FIGNL1: variants seen among roughly 807,000 people sequenced by gnomAD.
FIGNL1 encodes fidgetin like 1.
Under a neutral mutation model 28.9 loss-of-function variants are expected in FIGNL1, and 11 were observed. The ratio of observed to expected loss-of-function variants is 0.38; its 90% CI spans 0.24 to 0.63. FIGNL1 has a LOEUF of 0.63. Among genes scored for constraint, FIGNL1 ranks in the 20% least tolerant of loss-of-function variants. FIGNL1 has a pLI of 0.57. For missense variants in FIGNL1, 789 were observed against 810.4 expected (o/e 0.97, Z 0.32); for synonymous variants, 295 against 276.5 (o/e 1.07, Z -0.66).
At position 50,447,170 on chromosome 7, in the gene FIGNL1, G is replaced by A. The variant is rs763497045; in HGVS notation, c.118C>T (p.Arg40Cys). Reference protein sequence around the residue: ...KADAYRAQILRIQYAWANSEI... With the variant: ...KADAYRAQILCIQYAWANSEI... ...GAGTTTGCCCATGCATACTGAATGC[G>A]TAATATCTGTGCACGGTATGCATCT... The change falls in exon 4 of 4, where the codon CGC becomes TGC. Residue 40 changes from arginine to cysteine, a missense_variant. By Grantham distance (180) the Arg-to-Cys change is radical. Transcript: ENST00000433017. 15 of 1,614,070 alleles carry A rather than the reference G, an allele frequency of 9.3e-6. No homozygotes were observed. In the East Asian group the frequency reaches 1.1e-4, roughly 12 times the overall value.
At position 50,446,652 on chromosome 7, in the gene FIGNL1, A is replaced by G; in HGVS notation, c.636T>C (p.Thr212=). Residue 212 remains threonine (T), a synonymous_variant, in exon 4 of 4, where the codon ACT becomes ACC. Coordinates refer to ENST00000433017, the MANE Select transcript of FIGNL1 (RefSeq NM_001287492.4). ...ACAATGGTGTGACATGGAATTTTGC[A>G]GTAGCTGACTCACCTACAGGTGCTG... The part of the protein sequence containing the change: ...TFSAPVGESA[T]AKFHVTPLFG... 1.2e-6 allele frequency: 2 copies of G among 1,614,210 alleles called. No homozygotes were observed. The highest frequency in any genetic ancestry group is 1.7e-6 in the Non-Finnish European group (2 of 1,180,036).
In FIGNL1 at chr7:50,444,447, A is replaced by T. The variant is rs2153527127; in HGVS notation, c.*816T>A. Reference sequence around the variant, plus strand: ...AAAACATCTGGAAGAATCTATGCTTAAATATTAATAGTGTGTCCCGCAAAG... The same window carrying T: ...AAAACATCTGGAAGAATCTATGCTTTAATATTAATAGTGTGTCCCGCAAAG... On this transcript the variant is annotated 3_prime_UTR_variant, in exon 4 of 4. Transcript: ENST00000433017. The T allele has an allele frequency of 6.6e-6, 1 of 152,368 alleles. No homozygotes were observed. Among genetic ancestry groups the T allele is most frequent in the Admixed American group, 6.5e-5 (1 of 15,308 alleles). 9.4% of individuals were successfully genotyped at this position (152,368 alleles called of 1,614,324 possible). A position where few individuals can be genotyped will look rare whatever the true frequency, so the allele number is the denominator to read the frequency against.
chr7:50,447,184 C>T lies in FIGNL1; in HGVS notation c.104G>A (p.Arg35His), dbSNP rs146011869. The change falls in exon 4 of 4, where the codon CGT becomes CAT. Residue 35 changes from arginine to histidine, a missense_variant. Coordinates refer to ENST00000433017, the MANE Select transcript of FIGNL1 (RefSeq NM_001287492.4). Reference sequence around the variant, plus strand: ...ATACTGAATGCGTAATATCTGTGCACGGTATGCATCTGCCTTCGGTCCGGT... The same window carrying T: ...ATACTGAATGCGTAATATCTGTGCATGGTATGCATCTGCCTTCGGTCCGGT... Reference protein sequence around the residue: ...ICTGPKADAYRAQILRIQYAW... With the variant: ...ICTGPKADAYHAQILRIQYAW... 26 of 1,614,022 alleles carry T rather than the reference C, an allele frequency of 1.6e-5. No homozygotes were observed. Among genetic ancestry groups the T allele is most frequent in the Middle Eastern group, 1.6e-4 (1 of 6,084 alleles).
In FIGNL1 at chr7:50,445,712, C is replaced by G. The variant is rs151204868; in HGVS notation, c.1576G>C (p.Val526Leu). The G allele has an allele frequency of 3.5e-5, 56 of 1,614,060 alleles. No individual in the cohort carries two copies. The highest frequency in any genetic ancestry group is 6.8e-6 in the Non-Finnish European group (8 of 1,180,040). The change falls in exon 4 of 4, where the codon GTT becomes CTT. Residue 526 changes from valine to leucine, a missense_variant. Coordinates refer to ENST00000433017, the MANE Select transcript of FIGNL1 (RefSeq NM_001287492.4). ...SSRRIKTEFL[V>L]QLDGATTSSE... ...GATGTTGTTGCTCCATCTAATTGAA[C>G]TAAAAATTCTGTTTTTATCCTTCTA...
chr7:50,446,699 CAGTGTTAGT>C lies in FIGNL1; in HGVS notation c.580_588del (p.Thr194_Thr196del). 6.2e-7 allele frequency: 1 copy of C among 1,614,204 alleles called. No homozygotes were observed. The highest frequency in any genetic ancestry group is 8.5e-7 in the Non-Finnish European group (1 of 1,180,038). ...GCTGAGAATGTAGGACAAGTCCTAG[CAGTGTTAGT>C]CACCATAGGTGGCTGGGCATTCTGA... On this transcript the variant is annotated inframe_deletion, in exon 4 of 4. Coordinates refer to ENST00000433017, the MANE Select transcript of FIGNL1 (RefSeq NM_001287492.4).
Position 50,446,320 on chromosome 7 carries a change from C to T in FIGNL1, c.968G>A (p.Gly323Asp). 2 of 1,614,158 alleles carry T rather than the reference C, an allele frequency of 1.2e-6. No homozygotes were observed. Among genetic ancestry groups the T allele is most frequent in the Non-Finnish European group, 1.7e-6 (2 of 1,180,032 alleles). ...ACTAGCTCCTAGAGACTTTTTTACA[C>T]CACCATATGAAGACCCTGATGCACG... ...PQRASGSSYG[G>D]VKKSLGASRS... is the part of the protein sequence containing the mutation. The change falls in exon 4 of 4, where the codon GGT (glycine) becomes GAT (aspartate). Residue 323 changes from glycine to aspartate, a missense_variant. Transcript: ENST00000433017.
chr7:50,448,994 A>C (rs1270148365), intron 2 of FIGNL1, 124 bp downstream of exon 2: 1 of 152,240 alleles, frequency 6.6e-6, no homozygotes, highest in African/African-American at 2.4e-5. Flanking sequence ...TAGAAATGAG[A>C]AACTGAAAGA....
Position 50,446,300 on chromosome 7 carries a change from C to T in FIGNL1, c.988G>A (p.Ala330Thr). The change falls in exon 4 of 4, where the codon GCT becomes ACT. Residue 330 changes from alanine (A) to threonine (T), a missense_variant. Transcript: ENST00000433017. ...SYGGVKKSLG[A>T]SRSRGILGKF... ...CCAAGTATCCCTCGGGATCTACTAGCTCCTAGAGACTTTTTTACACCACCA... is the reference window on the plus strand; with the variant it reads ...CCAAGTATCCCTCGGGATCTACTAGTTCCTAGAGACTTTTTTACACCACCA... 6.2e-7 allele frequency: 1 copy of T among 1,614,188 alleles called. No homozygotes were observed. The highest frequency in any genetic ancestry group is 8.5e-7 in the Non-Finnish European group (1 of 1,180,038).
chr7:50,445,989 G>T lies in FIGNL1; in HGVS notation c.1299C>A (p.Pro433=). The part of the protein sequence containing the change: ...RPDIFTGLRG[P]PKGILLFGPP... ...GACCAAAGAGCAAAATTCCTTTAGG[G>T]GGTCCCCTTAAACCAGTAAAGATGT... Residue 433 remains proline, a synonymous_variant, in exon 4 of 4, where the codon CCC becomes CCA. Coordinates refer to ENST00000433017, the MANE Select transcript of FIGNL1 (RefSeq NM_001287492.4). 3 of 1,614,136 alleles carry T rather than the reference G, an allele frequency of 1.9e-6. No homozygotes were observed. The highest frequency in any genetic ancestry group is 4.5e-5 in the East Asian group (2 of 44,890).
At chr7:50,447,482 A>T (rs1247911968) in intron 3 of FIGNL1, 185 bp from the exon 4 acceptor site, 8 of 445,898 alleles carry the variant, frequency 1.8e-5, no homozygotes, top group Middle Eastern at 5.8e-4. Flanking sequence ...TATTCAAGAC[A>T]TATCAATATG....
rs1354639733 is a variant in FIGNL1, at chr7:50,446,743, A to G, written c.545T>C (p.Leu182Ser). 1 of 1,614,092 alleles carries G rather than the reference A, an allele frequency of 6.2e-7. No homozygotes were observed. The highest frequency in any genetic ancestry group is 8.5e-7 in the Non-Finnish European group (1 of 1,180,038). Reference protein sequence around the residue: ...RTQDFPESNRLKLLQNAQPPM... With the variant: ...RTQDFPESNRSKLLQNAQPPM... ...TGGCTGGGCATTCTGAAGGAGTTTC[A>G]AACGATTGCTCTCCGGGAAGTCTTG... The change falls in exon 4 of 4, where the codon TTG (leucine) becomes TCG (serine). Residue 182 changes from leucine to serine, a missense_variant. Transcript: ENST00000433017.
rs1460922989 is a variant in FIGNL1 at position 50,446,606 on chromosome 7, T to C, written c.682A>G (p.Asn228Asp). Residue 228 changes from asparagine (N) to aspartate (D), a missense_variant, in exon 4 of 4, where the codon AAT becomes GAT. Coordinates refer to ENST00000433017, the MANE Select transcript of FIGNL1 (RefSeq NM_001287492.4). Reference sequence around the variant, plus strand: ...ATGTTTTCTTTTGCAGAGCTGTGATTTTCCTTTTTGACATTTCCAAACAAT... The same window carrying C: ...ATGTTTTCTTTTGCAGAGCTGTGATCTTCCTTTTTGACATTTCCAAACAAT... ...TPLFGNVKKE[N>D]HSSAKENIGL... is the part of the protein sequence containing the mutation. 1.2e-6 allele frequency: 2 copies of C among 1,614,184 alleles called. No individual in the cohort carries two copies. The highest frequency in any genetic ancestry group is 3.3e-5 in the Admixed American group (2 of 60,024).
In FIGNL1 at chr7:50,445,621, C is replaced by T. The variant is rs546235904; in HGVS notation, c.1667G>A (p.Arg556Gln). ...ATAAAGCCTTTTCACCAATCTTCTC[C>T]GGGCAGCCTCATCAATTTCTTGTGG... The part of the protein sequence containing the change: ...NRPQEIDEAA[R>Q]RRLVKRLYIP... Residue 556 changes from arginine to glutamine, a missense_variant, in exon 4 of 4, where the codon CGG (arginine) becomes CAG (glutamine). Transcript: ENST00000433017. 5 of 1,613,972 alleles carry T rather than the reference C, an allele frequency of 3.1e-6. No individual in the cohort carries two copies. Among genetic ancestry groups the T allele is most frequent in the African/African-American group, 1.3e-5 (1 of 74,888 alleles).
In FIGNL1 at chr7:50,444,476, T is replaced by C. The variant is rs1447481317; in HGVS notation, c.*787A>G. 2.0e-5 allele frequency: 3 copies of C among 152,234 alleles called. No homozygotes were observed. Among genetic ancestry groups the C allele is most frequent in the Admixed American group, 6.5e-5 (1 of 15,284 alleles). The allele number at this position is 152,234 out of a possible 1,614,324, so 9.4% of individuals were successfully genotyped here. On this transcript the variant is annotated 3_prime_UTR_variant, in exon 4 of 4. Coordinates refer to ENST00000433017, the MANE Select transcript of FIGNL1 (RefSeq NM_001287492.4). ...ATTAATAGTGTGTCCCGCAAAGTGG[T>C]AGGATAATAGTGACTTTTATTCTTT...
In FIGNL1 at chr7:50,446,012, T is replaced by G. The variant is rs1820700506; in HGVS notation, c.1276A>C (p.Ile426Leu). The change falls in exon 4 of 4, where the codon ATC becomes CTC. Residue 426 changes from isoleucine (I) to leucine (L), a missense_variant. By Grantham distance (5) the Ile-to-Leu change is conservative. Transcript: ENST00000433017. ...IVVWPMLRPD[I>L]FTGLRGPPKG... Reference sequence around the variant, plus strand: ...GGGGGTCCCCTTAAACCAGTAAAGATGTCTGGCCTCAACATGGGCCACACA... The same window carrying G: ...GGGGGTCCCCTTAAACCAGTAAAGAGGTCTGGCCTCAACATGGGCCACACA... 6.2e-7 allele frequency: 1 copy of G among 1,614,126 alleles called. No homozygotes were observed. The highest frequency in any genetic ancestry group is 8.5e-7 in the Non-Finnish European group (1 of 1,180,056).
chr7:50,445,277 CAA>C lies in FIGNL1; in HGVS notation c.2009_2010del (p.Phe670TrpfsTer16). On this transcript the variant is annotated frameshift_variant, in exon 4 of 4. Coordinates refer to ENST00000433017, the MANE Select transcript of FIGNL1 (RefSeq NM_001287492.4). LOFTEE classifies it high-confidence loss of function. ...LELYENWNKT[F>X]GCGK is the part of the protein sequence containing the mutation. ...AAGTATCCCACTTACTTTCCACAAC[CAA>C]AAGTTTTGTTCCAGTTTTCATAAAG... 1.3e-6 allele frequency: 2 copies of C among 1,563,484 alleles called. No individual in the cohort carries two copies. Among genetic ancestry groups the C allele is most frequent in the Non-Finnish European group, 1.7e-6 (2 of 1,156,312 alleles).
At position 50,444,241 on chromosome 7, in the gene FIGNL1, T is replaced by C. The variant is rs111262901; in HGVS notation, c.*1022A>G. The C allele has an allele frequency of 1.4e-4, 22 of 152,334 alleles. No homozygotes were observed. Among genetic ancestry groups the C allele is most frequent in the African/African-American group, 5.1e-4 (21 of 41,584 alleles). 9.4% of individuals were successfully genotyped at this position (152,334 alleles called of 1,614,324 possible). A position where few individuals can be genotyped will look rare whatever the true frequency, so the allele number is the denominator to read the frequency against. On this transcript the variant is annotated 3_prime_UTR_variant, in exon 4 of 4. Transcript: ENST00000433017. ...TAGTTCCTTTACAATAAACAAAAGA[T>C]AAACAACCTAGCGTCCTGTCCTATA... is the stretch of plus-strand genomic sequence containing the variant.
Position 50,446,865 on chromosome 7 carries a change from C to T in FIGNL1, c.423G>A (p.Lys141=), listed in dbSNP as rs377209691. 1.2e-5 allele frequency: 20 copies of T among 1,614,028 alleles called. No individual in the cohort carries two copies. Among genetic ancestry groups the T allele is most frequent in the African/African-American group, 2.7e-5 (2 of 74,932 alleles). The part of the protein sequence containing the change: ...EPALASVVIH[K]EATVFDLPKF... Reference sequence around the variant, plus strand: ...TAGGAAGATCAAAGACAGTGGCCTCCTTATGGATTACCACTGATGCAAGAG... The same window carrying T: ...TAGGAAGATCAAAGACAGTGGCCTCTTTATGGATTACCACTGATGCAAGAG... Residue 141 remains lysine (K), a synonymous_variant, in exon 4 of 4, where the codon AAG becomes AAA. Transcript: ENST00000433017.
Position 50,446,834 on chromosome 7 carries a change from T to C in FIGNL1, c.454A>G (p.Ser152Gly). 1 of 1,614,090 alleles carries C rather than the reference T, an allele frequency of 6.2e-7. No individual in the cohort carries two copies. The highest frequency in any genetic ancestry group is 8.5e-7 in the Non-Finnish European group (1 of 1,180,040). The change falls in exon 4 of 4, where the codon AGT becomes GGT. Residue 152 changes from serine to glycine, a missense_variant. Physicochemically the swap from Ser to Gly is moderately conservative, Grantham distance 56. Transcript: ENST00000433017. Reference sequence around the variant, plus strand: ...CTCTCTTGAGAACTACCACAAACACTAAATTTAGGAAGATCAAAGACAGTG... The same window carrying C: ...CTCTCTTGAGAACTACCACAAACACCAAATTTAGGAAGATCAAAGACAGTG... ...EATVFDLPKF[S>G]VCGSSQESDS...
Sources: gnomAD v4.1 joint callset for allele counts on GRCh38, gnomAD v4.1.1 for gene constraint, MANE v1.5 for transcripts, NCBI Gene and HGNC (gene_info 2026-07-23, HGNC 2026-07-21) for gene names.